Variants in SHANK2 observed in about 807,000 individuals in gnomAD.
The protein encoded by SHANK2 is SH3 and multiple ankyrin repeat domains 2.
In SHANK2, 43 loss-of-function variants were observed where a neutral mutation model predicts 133.7. That is an observed-to-expected ratio of 0.32 (90% CI 0.25 to 0.41). The LOEUF (loss-of-function observed/expected upper bound fraction) is 0.41. Among genes scored for constraint, SHANK2 ranks in the 10% least tolerant of loss-of-function variants. The pLI, the probability that SHANK2 is intolerant of heterozygous loss-of-function variation, is 1.00. For synonymous variants in SHANK2, 1,017 were observed against 952.8 expected (o/e 1.07, Z -1.24); for missense variants, 1,994 against 2,235.8 (o/e 0.89, Z 2.18).
intron 1 of SHANK2, among the ~76,000 whole-genome samples, chr11:71,250,355 A>C (rs1305749361): frequency 6.6e-6 from 1 of 152,208 alleles, no homozygotes; most frequent in Non-Finnish European, 1.5e-5. Flanking sequence ...TTATATAGAC[A>C]GTGCTTCCCA....
At chr11:71,066,301 T>G (rs1777099993) in intron 9 of SHANK2, among the ~76,000 whole-genome samples, 2 of 28,842 alleles carry the variant, frequency 6.9e-5, no homozygotes, top group South Asian at 1.7e-3. Flanking sequence ...AGTGGGGAAG[T>G]TGTGGGGGGT....
chr11:71,167,305 C>T (rs1237822658), intron 2 of SHANK2, among the ~76,000 whole-genome samples: 2 of 152,142 alleles, frequency 1.3e-5, no homozygotes, highest in Non-Finnish European at 2.9e-5. Flanking sequence ...CTGTTGGGTA[C>T]ACCTCCCAGA....
intron 14 of SHANK2, among the ~76,000 whole-genome samples, chr11:70,752,563 G>A (rs75656658): frequency 0.026 from 4,009 of 152,158 alleles, 157 homozygotes; most frequent in African/African-American, 0.091. Flanking sequence ...AAAGTTAGCC[G>A]GGCGAAGTGG....
chr11:70,579,413 C>T (rs1436932427), intron 17 of SHANK2, among the ~76,000 whole-genome samples: 3 of 152,272 alleles, frequency 2.0e-5, no homozygotes, highest in Non-Finnish European at 2.9e-5. Context: ...CACTACATCC[C>T]TTCCCTTCCT....
intron 17 of SHANK2, among the ~76,000 whole-genome samples, chr11:70,542,255 C>G (rs1015315897): frequency 5.9e-5 from 9 of 152,178 alleles, no homozygotes; most frequent in Admixed American, 2.0e-4. Flanking sequence ...TGAGATCATC[C>G]TCGGTTACTG....
chr11:71,086,569 T>C (rs1210852469), intron 8 of SHANK2, among the ~76,000 whole-genome samples: 1 of 146,430 alleles, frequency 6.8e-6, no homozygotes, highest in Non-Finnish European at 1.5e-5. Context: ...ATATATATCA[T>C]TAGACTTGGA....
Position 71,092,594 on chromosome 11 carries a change from G to GA in SHANK2, c.745-6dup, listed in dbSNP as rs201243854. ...TGCACCAAGCTCTAAAAGGGTCTAG[G>GA]AAAAAAAAATTGAAAGCCGTCGTTA... On this transcript the variant is annotated splice_polypyrimidine_tract_variant and splice_region_variant and intron_variant, in intron 7 of 25. Coordinates refer to ENST00000601538, the MANE Select transcript of SHANK2 (RefSeq NM_012309.5). 1,209 of 1,541,096 alleles carry GA rather than the reference G, an allele frequency of 7.8e-4. 4 individuals are homozygous for GA. The African/African-American group carries it at 0.015, about 19-fold the overall frequency.
At chr11:70,772,998 T>C (rs78927508) in intron 14 of SHANK2, among the ~76,000 whole-genome samples, 5,232 of 152,284 alleles carry the variant, frequency 0.034, 122 homozygotes, top group Middle Eastern at 0.082. Flanking sequence ...AAGAGCCCAC[T>C]AAGAGCTAAA....
intron 8 of SHANK2, among the ~76,000 whole-genome samples, chr11:71,091,694 G>C (rs1430634431): frequency 2.0e-5 from 3 of 152,048 alleles, no homozygotes; most frequent in African/African-American, 7.2e-5. Context: ...GCCAAGAGAA[G>C]AGAGGCAGAT....
At chr11:70,845,058 G>C (rs944077361) in intron 11 of SHANK2, among the ~76,000 whole-genome samples, 18 of 151,750 alleles carry the variant, frequency 1.2e-4, no homozygotes, top group Admixed American at 2.6e-4. Context: ...AATTAGCCAG[G>C]TGTGGTGGCA....
At chr11:70,543,702 T>C (rs1375558277) in intron 17 of SHANK2, among the ~76,000 whole-genome samples, 2 of 152,232 alleles carry the variant, frequency 1.3e-5, no homozygotes, top group African/African-American at 2.4e-5. Flanking sequence ...AGCAAATTAA[T>C]TGAACCAGAG....
chr11:70,766,514 T>G (rs1357263973), intron 14 of SHANK2, among the ~76,000 whole-genome samples: 5 of 152,212 alleles, frequency 3.3e-5, no homozygotes, highest in Non-Finnish European at 7.3e-5. Context: ...GAAAGCATCT[T>G]ATTTGATGCT....
chr11:70,789,059 C>T lies in SHANK2; in HGVS notation c.1777+9384G>A, dbSNP rs181445282. Among the ~76,000 whole-genome samples, 9 of 152,242 alleles carry T rather than the reference C, an allele frequency of 5.9e-5. 1 individual carries two copies. Among genetic ancestry groups the T allele is most frequent in the South Asian group, 4.1e-4 (2 of 4,824 alleles). On this transcript the variant is annotated intron_variant, in intron 14 of 25. Transcript: ENST00000601538. ...AGATGCTCCCAGTAAGGGCCCCCTA[C>T]GCTGGTAAATTAGAGAGTGGCTGGA...
intron 14 of SHANK2, among the ~76,000 whole-genome samples, chr11:70,725,207 A>G (rs1225202098): frequency 6.6e-6 from 1 of 152,194 alleles, no homozygotes; most frequent in African/African-American, 2.4e-5. Context: ...ATGTTTTTCT[A>G]CTGTGTGGAA....
intron 17 of SHANK2, among the ~76,000 whole-genome samples, chr11:70,655,668 T>C (rs2061396671): frequency 6.6e-6 from 1 of 152,226 alleles, no homozygotes. Context: ...ACAAAAGTCA[T>C]TCAAGAAACA....
chr11:70,781,561 T>TTTATATATATATATATATATATAC (rs1947493475), intron 14 of SHANK2, among the ~76,000 whole-genome samples: 2 of 105,032 alleles, frequency 1.9e-5, no homozygotes, highest in African/African-American at 7.1e-5. Flanking sequence ...TTACTTATTA[T>TTTATATATATATATATATATATAC]ATATATATAT....
chr11:70,629,690 C>T lies in SHANK2; in HGVS notation c.2061+30138G>A, dbSNP rs140923761. Among the ~76,000 whole-genome samples, 525 of 152,276 alleles carry T rather than the reference C, an allele frequency of 3.4e-3. 4 individuals carry two copies. Among genetic ancestry groups the T allele is most frequent in the African/African-American group, 0.012 (505 of 41,558 alleles). ...AGGGGGTGCTGCCGTCAGGAAGGTG[C>T]CACCTGGGCCAGAGGCACGGGACAC... On this transcript the variant is annotated intron_variant, in intron 17 of 25. Transcript: ENST00000601538.
intron 13 of SHANK2, among the ~76,000 whole-genome samples, chr11:70,802,680 G>C (rs1463710183): frequency 6.6e-6 from 1 of 152,210 alleles, no homozygotes; most frequent in Non-Finnish European, 1.5e-5. Flanking sequence ...AGATGGTGCA[G>C]GATTTGGGGC....
At chr11:71,116,123 T>G (rs183408523) in intron 4 of SHANK2, among the ~76,000 whole-genome samples, 1 of 152,282 alleles carries the variant, frequency 6.6e-6, no homozygotes, top group East Asian at 1.9e-4. Context: ...ACAACGGAAC[T>G]GAGAAACGTG....
Sources: allele counts gnomAD v4.1 joint callset (sites outside exome capture counted in the v4.1 genomes callset), GRCh38; gene constraint gnomAD v4.1.1; transcripts MANE v1.5; gene names NCBI Gene and HGNC (gene_info 2026-07-23, HGNC 2026-07-21).